EIF4E: variants seen among roughly 807,000 people sequenced by gnomAD.
EIF4E encodes the protein eukaryotic translation initiation factor 4E.
For synonymous variants in EIF4E, 71 were observed against 88.5 expected (o/e 0.80, Z 1.11); for missense variants, 113 against 265.6 (o/e 0.43, Z 3.99).
chr4:98,880,488 C>T lies in EIF4E; in HGVS notation c.*540G>A, dbSNP rs1237508340. On this transcript the variant is annotated 3_prime_UTR_variant, in exon 7 of 7. Coordinates refer to ENST00000450253, the MANE Select transcript of EIF4E (RefSeq NM_001968.5). ...AAATGAAAAACTGAAATCAGAATCA[C>T]TAATATTATCAAGTAGGGAAACAAA... The T allele has an allele frequency of 3.5e-5, 3 of 84,792 alleles. No individual in the cohort carries two copies. Among genetic ancestry groups the T allele is most frequent in the Non-Finnish European group, 7.0e-5 (3 of 42,820 alleles). The allele number at this position is 84,792 out of a possible 1,614,324, so 5.3% of individuals were successfully genotyped here.
At chr4:98,890,037 G>C (rs1455000123) in intron 3 of EIF4E, among the ~76,000 whole-genome samples, 1 of 152,120 alleles carries the variant, frequency 6.6e-6, no homozygotes, top group Non-Finnish European at 1.5e-5. Context: ...TACTCTCAAA[G>C]TTTACTCTCA....
intron 1 of EIF4E, among the ~76,000 whole-genome samples, chr4:98,922,546 G>A (rs1343565340): frequency 6.8e-6 from 1 of 146,516 alleles, no homozygotes; most frequent in Non-Finnish European, 1.5e-5. Context: ...ACAGTGAGAC[G>A]CTGTCTCAAA....
chr4:98,917,793 T>C (rs533721282), intron 1 of EIF4E, among the ~76,000 whole-genome samples: 29 of 152,304 alleles, frequency 1.9e-4, no homozygotes, highest in African/African-American at 6.7e-4. Flanking sequence ...CTCTAAAACC[T>C]GGCCAGGCGT....
chr4:98,908,891 T>C (rs1724992202), intron 1 of EIF4E, among the ~76,000 whole-genome samples: 1 of 152,232 alleles, frequency 6.6e-6, no homozygotes, highest in Non-Finnish European at 1.5e-5. Context: ...GAACACCACA[T>C]GTCCTAGTTC....
chr4:98,918,463 G>A (rs1725497974), intron 1 of EIF4E, among the ~76,000 whole-genome samples: 1 of 151,540 alleles, frequency 6.6e-6, no homozygotes, highest in African/African-American at 2.4e-5. Flanking sequence ...TTGAAAAAGG[G>A]AGGAGCACTA....
At chr4:98,922,154 T>C (rs1725669136) in intron 1 of EIF4E, among the ~76,000 whole-genome samples, 2 of 152,176 alleles carry the variant, frequency 1.3e-5, no homozygotes, top group East Asian at 1.9e-4. Context: ...GTTAAGAATA[T>C]ACACTCTGCA....
intron 1 of EIF4E, among the ~76,000 whole-genome samples, chr4:98,927,647 T>TC (rs1237164547): frequency 3.2e-5 from 2 of 62,440 alleles, no homozygotes; most frequent in Admixed American, 2.9e-4. Context: ...AAAGCAAGAC[T>TC]CCATCTCAAA....
chr4:98,880,356 C>CA lies in EIF4E; in HGVS notation c.*671dup, dbSNP rs1207828074. 4 of 108,660 alleles carry CA rather than the reference C, an allele frequency of 3.7e-5. No individual in the cohort carries two copies. Among genetic ancestry groups the CA allele is most frequent in the Admixed American group, 2.2e-4 (2 of 8,956 alleles). The allele number at this position is 108,660 out of a possible 1,614,324, so 6.7% of individuals were successfully genotyped here. A position where few individuals can be genotyped will look rare whatever the true frequency, so the allele number is the denominator to read the frequency against. On this transcript the variant is annotated 3_prime_UTR_variant, in exon 7 of 7. Coordinates refer to ENST00000450253, the MANE Select transcript of EIF4E (RefSeq NM_001968.5). ...AGCAAAGCTTTGTAGTTACAAAAAACAAAAAAAATTACCAAAGAATGCACA... is the reference window on the plus strand; with the variant it reads ...AGCAAAGCTTTGTAGTTACAAAAAACAAAAAAAAATTACCAAAGAATGCACA...
At chr4:98,892,085 G>A (rs1450666914) in intron 2 of EIF4E, among the ~76,000 whole-genome samples, 3 of 152,094 alleles carry the variant, frequency 2.0e-5, no homozygotes, top group African/African-American at 7.2e-5. Flanking sequence ...GGTGGTTCAC[G>A]CCTGTAATCC....
rs1207292506 is a variant in EIF4E, at chr4:98,880,023, T to G, written c.*1005A>C. 1 of 152,588 alleles carries G rather than the reference T, an allele frequency of 6.6e-6. No homozygotes were observed. Among genetic ancestry groups the G allele is most frequent in the Admixed American group, 6.5e-5 (1 of 15,276 alleles). 9.5% of individuals were successfully genotyped at this position (152,588 alleles called of 1,614,324 possible). On this transcript the variant is annotated 3_prime_UTR_variant, in exon 7 of 7. Transcript: ENST00000450253. ...TGCAATAAGAAGTACAAATTCCTTC[T>G]ATAAAGATGGAGAAATAAAAGGACA... is the stretch of plus-strand genomic sequence containing the variant.
rs778552408 is a variant in EIF4E, at chr4:98,896,837, G to A, written c.125+5039C>T. ...CAAAAAATACTAAAATGGTGGTGGT[G>A]CATGCCTGTGGGGCCCCAGCTGGGG... On this transcript the variant is annotated intron_variant, in intron 2 of 6. Coordinates refer to ENST00000450253, the MANE Select transcript of EIF4E (RefSeq NM_001968.5). 7.5e-4 allele frequency among the ~76,000 whole-genome samples: 114 copies of A among 152,188 alleles called. 1 individual carries two copies. Among genetic ancestry groups the A allele is most frequent in the Admixed American group, 1.2e-3 (19 of 15,276 alleles).
chr4:98,892,337 A>C (rs373440046), intron 2 of EIF4E, among the ~76,000 whole-genome samples: 50,621 of 128,692 alleles, frequency 0.39, 10,321 homozygotes, highest in African/African-American at 0.55. Flanking sequence ...ACAAAAAAAC[A>C]AACAAAAAAA....
intron 1 of EIF4E, among the ~76,000 whole-genome samples, chr4:98,923,188 G>A (rs1219756429): frequency 6.8e-6 from 1 of 147,220 alleles, no homozygotes; most frequent in East Asian, 2.0e-4. Context: ...TGTATCAAAA[G>A]TTCCAACTGG....
intron 1 of EIF4E, among the ~76,000 whole-genome samples, chr4:98,920,712 A>G (rs1360655818): frequency 6.6e-6 from 1 of 152,230 alleles, no homozygotes; most frequent in Non-Finnish European, 1.5e-5. Flanking sequence ...GCTAAATACC[A>G]TGATGTATAA....
At chr4:98,914,139 C>T (rs1725269683) in intron 1 of EIF4E, among the ~76,000 whole-genome samples, 1 of 151,108 alleles carries the variant, frequency 6.6e-6, no homozygotes, top group Non-Finnish European at 1.5e-5. Context: ...GGGCGGATCA[C>T]GAGGTCAGGA....
intron 3 of EIF4E, among the ~76,000 whole-genome samples, chr4:98,890,337 T>C (rs1177947836): frequency 6.6e-6 from 1 of 152,234 alleles, no homozygotes; most frequent in African/African-American, 2.4e-5. Flanking sequence ...TTAGAATATT[T>C]AGATAACTGC....
In EIF4E at chr4:98,928,949, T is replaced by C. The variant is rs377236062; in HGVS notation, c.18+146A>G. 70 of 1,578,026 alleles carry C rather than the reference T, an allele frequency of 4.4e-5. No homozygotes were observed. The African/African-American group carries it at 4.9e-4, about 11-fold the overall frequency. On this transcript the variant is annotated intron_variant, in intron 1 of 6. Coordinates refer to ENST00000450253, the MANE Select transcript of EIF4E (RefSeq NM_001968.5). ...CCATCCTCCGGGACGTCCCCACTTGTCCGCGGGAGGTCAGGTCCAACATGA... is the reference window on the plus strand; with the variant it reads ...CCATCCTCCGGGACGTCCCCACTTGCCCGCGGGAGGTCAGGTCCAACATGA...
intron 1 of EIF4E, among the ~76,000 whole-genome samples, chr4:98,922,713 T>C (rs559015357): frequency 6.6e-6 from 1 of 152,306 alleles, no homozygotes; most frequent in South Asian, 2.1e-4. Flanking sequence ...TTTTTTTAGT[T>C]AGTTGCTTAC....
intron 1 of EIF4E, among the ~76,000 whole-genome samples, chr4:98,921,195 A>G (rs1725631898): frequency 6.6e-6 from 1 of 152,178 alleles, no homozygotes; most frequent in African/African-American, 2.4e-5. Context: ...ATTCATCAGA[A>G]AAAGAACTAT....
Sources: gnomAD v4.1 joint callset for allele counts (sites outside exome capture counted in the v4.1 genomes callset) on GRCh38, gnomAD v4.1.1 for gene constraint, MANE v1.5 for transcripts, NCBI Gene and HGNC (gene_info 2026-07-23, HGNC 2026-07-21) for gene names.